Variants in RGPD2 observed in about 807,000 individuals in gnomAD.
The protein encoded by RGPD2 is RANBP2 like and GRIP domain containing 2, also known as RANBP2-like and GRIP domain-containing protein 2.
RGPD2 carries 2 observed loss-of-function variants against 36.0 expected under a neutral mutation model. The ratio of observed to expected loss-of-function variants is 0.06; its 90% CI spans 0.02 to 0.17. The LOEUF is 0.17. Among genes scored for constraint, RGPD2 ranks in the 10% least tolerant of loss-of-function variants. The probability of loss-of-function intolerance (pLI) is 1.00; values close to 1 mark genes in which losing one functional copy is unlikely to be tolerated. For missense variants in RGPD2, 40 were observed against 464.3 expected, an observed-to-expected ratio of 0.09 and a Z score of 8.40; for synonymous variants, 19 against 163.8, an observed-to-expected ratio of 0.12 and a Z score of 6.75.
At chr2:87,769,011 G>A (rs1333745628) in intron 22 of RGPD2, among the ~76,000 whole-genome samples, 115 of 25,206 alleles carry the variant, frequency 4.6e-3, no homozygotes, top group African/African-American at 0.015. Flanking sequence ...CTTGTTGCTC[G>A]GGCTGGAGTG....
the RGPD2 span, among the ~76,000 whole-genome samples, chr2:87,882,263 T>C: frequency 6.6e-6 from 1 of 152,388 alleles, no homozygotes; most frequent in East Asian, 1.9e-4. Context: ...GTTCTATTTT[T>C]AGTTGATTCT....
the RGPD2 span, among the ~76,000 whole-genome samples, chr2:87,951,733 T>C: frequency 4.8e-3 from 697 of 145,528 alleles, 3 homozygotes; most frequent in African/African-American, 0.013. Flanking sequence ...TACAGATGTG[T>C]GCCACCACAC....
At chr2:87,909,217 T>C in the RGPD2 span, among the ~76,000 whole-genome samples, 6 of 152,106 alleles carry the variant, frequency 3.9e-5, no homozygotes, top group Admixed American at 1.3e-4. Context: ...AGAGGGAATG[T>C]AGGCATTTCA....
chr2:87,988,741 A>T, the RGPD2 span, among the ~76,000 whole-genome samples: 1 of 151,542 alleles, frequency 6.6e-6, no homozygotes, highest in African/African-American at 2.4e-5. Context: ...GGGTTTCACC[A>T]CGTTGGCCAG....
the RGPD2 span, among the ~76,000 whole-genome samples, chr2:87,910,987 GAGAC>G: frequency 1.3e-5 from 2 of 151,118 alleles, no homozygotes; most frequent in African/African-American, 2.4e-5. Context: ...CTGTTAATAG[GAGAC>G]AGTATAAACA....
the RGPD2 span, among the ~76,000 whole-genome samples, chr2:87,861,222 T>C: frequency 3.4e-4 from 52 of 151,318 alleles, no homozygotes; most frequent in African/African-American, 1.1e-3. Context: ...TTTCTCTTTA[T>C]TATAGAATTG....
chr2:87,842,825 A>G, the RGPD2 span, among the ~76,000 whole-genome samples: 364 of 149,942 alleles, frequency 2.4e-3, no homozygotes, highest in African/African-American at 8.6e-3. Flanking sequence ...ACAAGGCTAC[A>G]GTAACCAAAA....
At chr2:87,874,083 T>C in the RGPD2 span, among the ~76,000 whole-genome samples, 1 of 149,966 alleles carries the variant, frequency 6.7e-6, no homozygotes, top group South Asian at 2.1e-4. Context: ...TTCTTGTAAA[T>C]TTATTTAAGT....
chr2:87,988,541 A>ATATATAT, the RGPD2 span, among the ~76,000 whole-genome samples: 736 of 54,168 alleles, frequency 0.014, 41 homozygotes, highest in Non-Finnish European at 0.016. Flanking sequence ...ATATATATAT[A>ATATATAT]TTTTTTTTTT....
chr2:87,864,191 C>G, the RGPD2 span, among the ~76,000 whole-genome samples: 2 of 146,998 alleles, frequency 1.4e-5, no homozygotes, highest in African/African-American at 5.0e-5. Context: ...ATGTAAATGC[C>G]CCTGCTCAAT....
the RGPD2 span, among the ~76,000 whole-genome samples, chr2:87,916,317 ATTTTTAATGAGATCC>A: frequency 7.4e-6 from 1 of 134,438 alleles, no homozygotes; most frequent in Non-Finnish European, 1.6e-5. Context: ...GAAGGATGGA[ATTTTTAATGAGATCC>A]TTTCAATCAT....
At chr2:87,880,957 A>G in the RGPD2 span, among the ~76,000 whole-genome samples, 2 of 142,098 alleles carry the variant, frequency 1.4e-5, no homozygotes, top group Admixed American at 7.0e-5. Flanking sequence ...TCCATTGGAA[A>G]TTGAAGAAAT....
At chr2:87,932,708 G>A in the RGPD2 span, among the ~76,000 whole-genome samples, 11 of 151,960 alleles carry the variant, frequency 7.2e-5, no homozygotes, top group South Asian at 2.1e-4. Flanking sequence ...CTTTGATTAC[G>A]AAACTTAGTT....
At chr2:87,947,867 G>T in the RGPD2 span, among the ~76,000 whole-genome samples, 2 of 152,274 alleles carry the variant, frequency 1.3e-5, no homozygotes, top group Admixed American at 6.5e-5. Flanking sequence ...CCCACTGCAC[G>T]TATTTCCTGC....
chr2:87,839,959 A>T, the RGPD2 span, among the ~76,000 whole-genome samples: 4 of 151,854 alleles, frequency 2.6e-5, no homozygotes, highest in Admixed American at 6.6e-5. Flanking sequence ...CACTTACTGT[A>T]AAAGCCAGAA....
At chr2:87,768,988 TAAGAG>T (rs1380819662) in intron 22 of RGPD2, among the ~76,000 whole-genome samples, 9 of 9,006 alleles carry the variant, frequency 1.0e-3, no homozygotes, top group African/African-American at 2.9e-3. Context: ...TTTTTTGAGA[TAAGAG>T]TTTTGCTCTT....
At chr2:87,824,877 C>CCG (rs1686630857) in intron 1 of RGPD2, 4 of 161,936 alleles carry the variant, frequency 2.5e-5, no homozygotes, top group Non-Finnish European at 5.1e-5. Context: ...CCGCCGCCGC[C>CCG]GCCGCCGCCG....
At chr2:87,883,981 G>T in the RGPD2 span, among the ~76,000 whole-genome samples, 1 of 151,566 alleles carries the variant, frequency 6.6e-6, no homozygotes, top group African/African-American at 2.4e-5. Context: ...CCACCCAATA[G>T]CAACAGGATA....
chr2:87,877,471 T>C, the RGPD2 span, among the ~76,000 whole-genome samples: 2 of 152,198 alleles, frequency 1.3e-5, no homozygotes, highest in African/African-American at 2.4e-5. Flanking sequence ...AGCTTAGTTT[T>C]GCCAGGTACA....
Sources: gnomAD v4.1 joint callset for allele counts (sites outside exome capture counted in the v4.1 genomes callset) on GRCh38, gnomAD v4.1.1 for gene constraint, MANE v1.5 for transcripts, NCBI Gene and HGNC (gene_info 2026-07-23, HGNC 2026-07-21) for gene names.